KIFC3: variants seen among roughly 807,000 people sequenced by gnomAD.
KIFC3 encodes kinesin family member C3.
KIFC3 carries 60 observed loss-of-function variants against 101.8 expected under a neutral mutation model. The observed-to-expected ratio is 0.59, with a 90% CI of 0.48 to 0.73. The LOEUF (loss-of-function observed/expected upper bound fraction) is 0.73, where lower values mean the gene tolerates loss of function less well. Among genes scored for constraint, KIFC3 ranks in the 30% least tolerant of loss-of-function variants. The probability of loss-of-function intolerance (pLI) is 0.00; values close to 1 mark genes in which losing one functional copy is unlikely to be tolerated. For missense variants in KIFC3, 966 were observed against 1,137.1 expected (o/e 0.85, Z 2.16); for synonymous variants, 476 against 482.7 (o/e 0.99, Z 0.18).
rs782318456 is a variant in KIFC3, at chr16:57,759,804, C to G, written c.2400G>C (p.Ser800=). ...WEPACQTPQP[S]ARAHSAPSSG... ...AGCTGGGGGCTGAGTGGGCCCGTGC[C>G]GAGGGCTGTGGCGTCTGACAAGCCG... is the stretch of plus-strand genomic sequence containing the variant. Residue 800 remains serine (S), a synonymous_variant, in exon 18 of 20, where the codon TCG becomes TCC. Transcript: ENST00000445690. The G allele has an allele frequency of 3.1e-6, 5 of 1,610,420 alleles. No homozygotes were observed. The African/African-American group carries it at 5.4e-5, about 17-fold the overall frequency.
upstream of KIFC3, chr16:57,803,004 G>GGCGCACATGCACTCACACTGTTTACA (rs1276128879): frequency 2.6e-6 from 4 of 1,535,698 alleles, no homozygotes; most frequent in African/African-American, 5.5e-5. Context: ...TGCACGCGCT[G>GGCGCACATGCACTCACACTGTTTACA]GCGCACATGC....
At chr16:57,845,985 G>A (rs1211716193) in intron 1 of KIFC3, among the ~76,000 whole-genome samples, 1 of 152,136 alleles carries the variant, frequency 6.6e-6, no homozygotes, top group Non-Finnish European at 1.5e-5. Context: ...TGGGGTTTTT[G>A]TCAAAACAAA....
chr16:57,786,126 G>C (rs1196712240), intron 3 of KIFC3, among the ~76,000 whole-genome samples: 1 of 152,180 alleles, frequency 6.6e-6, no homozygotes, highest in Non-Finnish European at 1.5e-5. Context: ...TGTGGCAAGT[G>C]GTCAACTGTG....
intron 1 of KIFC3, among the ~76,000 whole-genome samples, chr16:57,800,773 A>C (rs1234286871): frequency 6.6e-6 from 1 of 152,200 alleles, no homozygotes; most frequent in Non-Finnish European, 1.5e-5. Context: ...GTGAAGGTCA[A>C]AAGTATCAAG....
At chr16:57,826,197 A>G (rs1555630749) in intron 1 of KIFC3, among the ~76,000 whole-genome samples, 1 of 152,246 alleles carries the variant, frequency 6.6e-6, no homozygotes, top group Non-Finnish European at 1.5e-5. Flanking sequence ...ATGGGAGTCC[A>G]GAGCACAGTT....
chr16:57,783,651 T>C (rs2053009036), intron 3 of KIFC3, among the ~76,000 whole-genome samples: 1 of 152,054 alleles, frequency 6.6e-6, no homozygotes, highest in African/African-American at 2.4e-5. Context: ...TTTTGTATTT[T>C]TAGTAGAGAC....
chr16:57,813,416 G>A (rs1311832055), intron 1 of KIFC3, among the ~76,000 whole-genome samples: 2 of 152,082 alleles, frequency 1.3e-5, no homozygotes, highest in African/African-American at 2.4e-5. Context: ...GAGGCACAGT[G>A]TCCCTGTCTA....
chr16:57,822,643 G>A (rs2055375668), intron 1 of KIFC3, among the ~76,000 whole-genome samples: 1 of 151,120 alleles, frequency 6.6e-6, no homozygotes. Context: ...GTTGCAGTGA[G>A]CCGAGATCAC....
chr16:57,816,890 C>A, intron 1 of KIFC3: 1 of 383,402 alleles, frequency 2.6e-6, no homozygotes, highest in Non-Finnish European at 5.1e-6. Context: ...CCATCACAAC[C>A]GACCTTGAAC....
At chr16:57,787,623 G>A (rs2053467850) in intron 3 of KIFC3, among the ~76,000 whole-genome samples, 1 of 152,208 alleles carries the variant, frequency 6.6e-6, no homozygotes, top group Non-Finnish European at 1.5e-5. Flanking sequence ...TGCAGGCGTG[G>A]CCTGGACCCA....
chr16:57,831,049 T>G (rs1313171264), intron 1 of KIFC3, among the ~76,000 whole-genome samples: 1 of 152,198 alleles, frequency 6.6e-6, no homozygotes, highest in African/African-American at 2.4e-5. Context: ...GATGGTGACT[T>G]ACGCCACACT....
Position 57,769,805 on chromosome 16 carries a change from C to T in KIFC3, c.1087+3G>A. The T allele has an allele frequency of 4.3e-6, 7 of 1,613,310 alleles. No individual in the cohort carries two copies. Among genetic ancestry groups the T allele is most frequent in the Non-Finnish European group, 5.9e-6 (7 of 1,179,988 alleles). On this transcript the variant is annotated splice_donor_region_variant and intron_variant, in intron 8 of 19. Transcript: ENST00000445690. This position sits in a 1 kb window ranked among gnomAD's most constrained non-coding sequence, Gnocchi z 4.3. ...GCAGACAGGGCCCAGCTGGTCAGCT[C>T]ACCTGCTAGATTCTCGTGCACAGCC...
At chr16:57,770,063 C>G in intron 7 of KIFC3, 108 bp from the exon 8 acceptor site, 1 of 1,334,274 alleles carries the variant, frequency 7.5e-7, no homozygotes, top group Admixed American at 2.2e-5. Flanking sequence ...AACACACATG[C>G]ACACACACAT....
At chr16:57,775,061 G>C (rs1555611083) in intron 3 of KIFC3, 1 of 1,512,906 alleles carries the variant, frequency 6.6e-7, no homozygotes, top group African/African-American at 1.4e-5. Context: ...TTTGCTGGGG[G>C]TGGGAGGCGG....
At chr16:57,783,355 C>T (rs1270694611) in intron 3 of KIFC3, among the ~76,000 whole-genome samples, 2 of 152,100 alleles carry the variant, frequency 1.3e-5, no homozygotes, top group Non-Finnish European at 2.9e-5. Context: ...CAATGAGACA[C>T]TGGTGATGGG....
intron 1 of KIFC3, among the ~76,000 whole-genome samples, chr16:57,835,290 T>C (rs1596827745): frequency 5.3e-5 from 8 of 152,320 alleles, no homozygotes; most frequent in Admixed American, 6.5e-5. Flanking sequence ...AATCAGCTCA[T>C]TGATCACCAG....
At chr16:57,847,256 AAG>A (rs2055945996) in intron 1 of KIFC3, among the ~76,000 whole-genome samples, 2 of 92,234 alleles carry the variant, frequency 2.2e-5, no homozygotes, top group Non-Finnish European at 4.0e-5. Context: ...GGAAGGAAGG[AAG>A]GAAGGAAGGA....
chr16:57,854,632 A>G (rs78032978), intron 1 of KIFC3, among the ~76,000 whole-genome samples: 1 of 148,336 alleles, frequency 6.7e-6, no homozygotes, highest in Non-Finnish European at 1.5e-5. Context: ...CGTCTCAGAA[A>G]AAAAAAAAAA....
At chr16:57,854,030 T>C (rs1005433111) in intron 1 of KIFC3, among the ~76,000 whole-genome samples, 2 of 151,920 alleles carry the variant, frequency 1.3e-5, no homozygotes, top group African/African-American at 4.8e-5. Flanking sequence ...TAGCCTCGAC[T>C]TCCCAGGCTC....
Sources: allele counts gnomAD v4.1 joint callset (sites outside exome capture counted in the v4.1 genomes callset), GRCh38; gene constraint gnomAD v4.1.1; non-coding constraint Gnocchi (gnomAD v3.1); transcripts MANE v1.5; gene names NCBI Gene and HGNC (gene_info 2026-07-23, HGNC 2026-07-21).